The following MAST4 variants were observed in gnomAD, a reference collection of about 807,000 sequenced individuals.
MAST4 encodes microtubule-associated serine/threonine-protein kinase 4.
MAST4 carries 89 observed loss-of-function variants against 162.7 expected under a neutral mutation model. The observed-to-expected ratio is 0.55, with a 90% confidence interval of 0.46 to 0.65. The LOEUF is 0.65. MAST4 is among the 30% of genes least tolerant of loss of function. The pLI is 0.00. For synonymous variants in MAST4, 1,479 were observed against 1,361.1 expected, an observed-to-expected ratio of 1.09 and a Z score of -1.91; for missense variants, 3,153 against 3,374.0, an observed-to-expected ratio of 0.93 and a Z score of 1.62.
rs186095826 is a variant in MAST4, at chr5:66,638,940, G to T, written c.363+41922G>T. 3.9e-5 allele frequency among the ~76,000 whole-genome samples: 6 copies of T among 152,142 alleles called. No individual in the cohort carries two copies. In the East Asian group the frequency reaches 7.7e-4, roughly 20 times the overall value. On this transcript the variant is annotated intron_variant, in intron 1 of 28. Transcript: ENST00000403625. ...TTTTGGGGGAAAAGCAGTAGTTAAG[G>T]GTTCTGTTTTGTACATGTTAAGTTT...
chr5:66,648,872 T>C (rs528554975), intron 1 of MAST4, among the ~76,000 whole-genome samples: 1 of 152,300 alleles, frequency 6.6e-6, no homozygotes, highest in Middle Eastern at 3.4e-3. Context: ...TAAGACTTGA[T>C]GTTTTATGTT....
At chr5:66,838,870 T>A (rs953921653) in intron 3 of MAST4, among the ~76,000 whole-genome samples, 4 of 152,178 alleles carry the variant, frequency 2.6e-5, no homozygotes, top group South Asian at 2.1e-4. Flanking sequence ...GTTCAGGGAT[T>A]TGGGCCTCAT....
At chr5:67,049,021 A>G (rs1561576117) in intron 4 of MAST4, among the ~76,000 whole-genome samples, 1 of 103,966 alleles carries the variant, frequency 9.6e-6, no homozygotes, top group Non-Finnish European at 2.0e-5. Flanking sequence ...ATATATATAT[A>G]CGTATATATA....
At chr5:66,918,668 TAAAGAC>T (rs5868467) in intron 4 of MAST4, among the ~76,000 whole-genome samples, 52,875 of 151,642 alleles carry the variant, frequency 0.35, 10,075 homozygotes, top group Non-Finnish European at 0.44. Flanking sequence ...AGCTTACAAA[TAAAGAC>T]AAACAAATGT....
At chr5:66,759,959 T>G (rs542476185) in intron 2 of MAST4, 97 bp downstream of exon 2, 2 of 1,327,686 alleles carry the variant, frequency 1.5e-6, no homozygotes, top group Non-Finnish European at 1.0e-6. Flanking sequence ...TTCTTAAGAA[T>G]GGGCCTGCCT....
intron 4 of MAST4, among the ~76,000 whole-genome samples, chr5:66,946,702 A>G (rs1334581918): frequency 1.3e-5 from 2 of 152,136 alleles, no homozygotes; most frequent in Non-Finnish European, 2.9e-5. Context: ...TGCAGCTTCT[A>G]TTTCATGGAA....
At chr5:66,775,085 A>G (rs987203442) in intron 2 of MAST4, among the ~76,000 whole-genome samples, 3 of 151,684 alleles carry the variant, frequency 2.0e-5, no homozygotes, top group African/African-American at 4.8e-5. Context: ...GGAGTCAGAC[A>G]GCTCTGATAT....
intron 4 of MAST4, among the ~76,000 whole-genome samples, chr5:66,970,952 T>C (rs866280366): frequency 2.0e-5 from 3 of 152,186 alleles, no homozygotes; most frequent in South Asian, 4.1e-4. Context: ...CCCCTTTCAC[T>C]TTCAAAACCT....
chr5:67,060,993 G>T (rs1400157037), intron 5 of MAST4, among the ~76,000 whole-genome samples: 1 of 152,158 alleles, frequency 6.6e-6, no homozygotes, highest in East Asian at 1.9e-4. Context: ...TTCAAGGCTT[G>T]TTTGCTTTAA....
intron 1 of MAST4, among the ~76,000 whole-genome samples, chr5:66,618,588 C>G (rs1171935040): frequency 1.3e-5 from 2 of 152,200 alleles, no homozygotes; most frequent in South Asian, 2.1e-4. Flanking sequence ...CATTACAGAA[C>G]TAAACACTTC....
chr5:66,633,428 C>G (rs1744911756), intron 1 of MAST4, among the ~76,000 whole-genome samples: 1 of 152,130 alleles, frequency 6.6e-6, no homozygotes, highest in Non-Finnish European at 1.5e-5. Context: ...ATGCAGTGAT[C>G]TAACCAGATT....
chr5:67,084,335 G>T (rs1763000551), intron 5 of MAST4, among the ~76,000 whole-genome samples: 1 of 152,118 alleles, frequency 6.6e-6, no homozygotes, highest in Admixed American at 6.5e-5. Context: ...ATTTAAGAAA[G>T]TTTCTTTGTC....
chr5:67,157,738 A>G (rs114597159), intron 26 of MAST4, among the ~76,000 whole-genome samples: 187 of 152,340 alleles, frequency 1.2e-3, no homozygotes, highest in African/African-American at 4.3e-3. Context: ...CTGGACTCTC[A>G]GTGACCTCGG....
chr5:67,037,508 T>G (rs1405890876), intron 4 of MAST4, among the ~76,000 whole-genome samples: 1 of 152,142 alleles, frequency 6.6e-6, no homozygotes, highest in Non-Finnish European at 1.5e-5. Context: ...AAGCAAAAAA[T>G]GAGCTATCCT....
At chr5:66,939,008 CAA>C (rs1212292261) in intron 4 of MAST4, among the ~76,000 whole-genome samples, 1 of 151,930 alleles carries the variant, frequency 6.6e-6, no homozygotes, top group African/African-American at 2.4e-5. Context: ...AACATGTGAC[CAA>C]AAGACAGTAG....
chr5:66,710,421 A>G (rs73110479), intron 1 of MAST4, among the ~76,000 whole-genome samples: 2,865 of 152,252 alleles, frequency 0.019, 88 homozygotes, highest in African/African-American at 0.064. Flanking sequence ...ACCTTGTTAG[A>G]TGGCTGGGAT....
chr5:66,913,289 A>T (rs1384690989), intron 4 of MAST4, among the ~76,000 whole-genome samples: 1 of 150,252 alleles, frequency 6.7e-6, no homozygotes, highest in East Asian at 1.9e-4. Flanking sequence ...CCACCCCCAC[A>T]TCCCCAACCA....
chr5:66,884,798 T>C (rs1761932646), intron 3 of MAST4, among the ~76,000 whole-genome samples: 1 of 152,248 alleles, frequency 6.6e-6, no homozygotes, highest in Non-Finnish European at 1.5e-5. Flanking sequence ...TATATTACCT[T>C]TCTTTCCATG....
intron 3 of MAST4, among the ~76,000 whole-genome samples, 169 bp from the exon 4 acceptor site, chr5:66,899,782 C>T (rs461806): frequency 0.079 from 12,041 of 151,994 alleles, 645 homozygotes; most frequent in Middle Eastern, 0.12. Context: ...TAAAGAGAAC[C>T]GTGTAAGAAG....
Sources: gnomAD v4.1 joint callset for allele counts (sites outside exome capture counted in the v4.1 genomes callset) on GRCh38, gnomAD v4.1.1 for gene constraint, MANE v1.5 for transcripts, NCBI Gene and HGNC (gene_info 2026-07-23, HGNC 2026-07-21) for gene names.